Variants in SLC39A8 observed in about 807,000 individuals in gnomAD.
SLC39A8 encodes metal cation symporter ZIP8.
A neutral mutation model predicts 40.4 loss-of-function variants in SLC39A8; 15 were observed. The observed-to-expected ratio is 0.37, with a 90% confidence interval of 0.25 to 0.57. SLC39A8 has a LOEUF of 0.57. SLC39A8 is among the 20% of genes least tolerant of loss of function. SLC39A8 has a pLI of 0.75. For missense variants in SLC39A8, 472 were observed against 558.8 expected (o/e 0.84, Z 1.57); for synonymous variants, 223 against 221.6 (o/e 1.01, Z -0.06).
intron 2 of SLC39A8, among the ~76,000 whole-genome samples, chr4:102,322,195 G>T (rs925956806): frequency 3.3e-5 from 5 of 152,144 alleles, no homozygotes; most frequent in Non-Finnish European, 7.3e-5. Context: ...CCTGCTGTGA[G>T]TCTGGGGACA....
At chr4:102,328,856 T>C (rs1735329385) in intron 2 of SLC39A8, among the ~76,000 whole-genome samples, 1 of 151,898 alleles carries the variant, frequency 6.6e-6, no homozygotes. Context: ...AAACCCCGTC[T>C]CTACTAAAAA....
chr4:102,301,030 C>G (rs1226439240), intron 6 of SLC39A8, among the ~76,000 whole-genome samples: 1 of 151,934 alleles, frequency 6.6e-6, no homozygotes, highest in African/African-American at 2.4e-5. Flanking sequence ...AAGAAATTAA[C>G]GTCAAAACTA....
At chr4:102,289,554 A>C (rs959263522) in intron 6 of SLC39A8, among the ~76,000 whole-genome samples, 2 of 152,150 alleles carry the variant, frequency 1.3e-5, no homozygotes, top group Non-Finnish European at 2.9e-5. Context: ...ACCTTCTAGA[A>C]AGGATTCATC....
At chr4:102,271,816 TGA>T (rs1578561278) in intron 6 of SLC39A8, among the ~76,000 whole-genome samples, 1 of 152,180 alleles carries the variant, frequency 6.6e-6, no homozygotes, top group African/African-American at 2.4e-5. Context: ...GCAAAGGAAG[TGA>T]GACAGTGGGC....
chr4:102,267,343 G>T, intron 8 of SLC39A8, 147 bp downstream of exon 8: 1 of 618,716 alleles, frequency 1.6e-6, no homozygotes, highest in South Asian at 2.9e-5. Flanking sequence ...CAAGTAGAAT[G>T]ATCTGTTGAA....
At chr4:102,299,972 G>T (rs1733846746) in intron 6 of SLC39A8, among the ~76,000 whole-genome samples, 1 of 152,056 alleles carries the variant, frequency 6.6e-6, no homozygotes, top group Non-Finnish European at 1.5e-5. Flanking sequence ...GGCTACACAG[G>T]AACGTCGAAG....
chr4:102,305,291 G>C (rs1445546974), intron 4 of SLC39A8, among the ~76,000 whole-genome samples, 180 bp from the exon 5 acceptor site: 2 of 151,874 alleles, frequency 1.3e-5, no homozygotes, highest in Non-Finnish European at 2.9e-5. Flanking sequence ...TGACAAAACT[G>C]TATGAGATGG....
At chr4:102,339,458 A>C (rs1005440583) in intron 2 of SLC39A8, among the ~76,000 whole-genome samples, 1 of 152,114 alleles carries the variant, frequency 6.6e-6, no homozygotes, top group Non-Finnish European at 1.5e-5. Flanking sequence ...AATGCAAAAA[A>C]CATGTTTGCA....
chr4:102,293,875 A>G (rs1416068742), intron 6 of SLC39A8, among the ~76,000 whole-genome samples: 2 of 151,832 alleles, frequency 1.3e-5, no homozygotes, highest in Non-Finnish European at 2.9e-5. Context: ...AAACTATAAT[A>G]ATTATGGCAG....
chr4:102,301,497 G>A (rs994232965), intron 6 of SLC39A8, among the ~76,000 whole-genome samples: 1 of 150,472 alleles, frequency 6.6e-6, no homozygotes, highest in Admixed American at 6.6e-5. Context: ...ATATTTTCTT[G>A]TTTTGCTCAT....
chr4:102,254,010 C>T (rs1200824072), intron 11 of SLC39A8, among the ~76,000 whole-genome samples: 1 of 152,106 alleles, frequency 6.6e-6, no homozygotes, highest in Non-Finnish European at 1.5e-5. Context: ...AAAAGAGTTC[C>T]AGCTCAAGTT....
At chr4:102,277,641 A>T (rs767163187) in intron 6 of SLC39A8, among the ~76,000 whole-genome samples, 4 of 152,214 alleles carry the variant, frequency 2.6e-5, no homozygotes, top group Non-Finnish European at 5.9e-5. Context: ...ACTACTTTAA[A>T]TTTCTTATAG....
intron 2 of SLC39A8, among the ~76,000 whole-genome samples, chr4:102,320,223 GTATGAGTATATATATATGAGAATATATA>G (rs1560560951): frequency 2.2e-4 from 27 of 124,262 alleles, no homozygotes; most frequent in Middle Eastern, 4.9e-3. Flanking sequence ...ATGTATATAT[GTATGAGTATATATATATGAGAATATATA>G]TATGAGTATA....
intron 3 of SLC39A8, among the ~76,000 whole-genome samples, chr4:102,309,137 A>G (rs1734315398): frequency 6.6e-6 from 1 of 152,096 alleles, no homozygotes; most frequent in African/African-American, 2.4e-5. Flanking sequence ...GTTAGTCTAG[A>G]ATTTCTATGT....
intron 2 of SLC39A8, among the ~76,000 whole-genome samples, chr4:102,340,686 T>C (rs1735901018): frequency 6.6e-6 from 1 of 152,218 alleles, no homozygotes; most frequent in African/African-American, 2.4e-5. Flanking sequence ...ACCATTCAAA[T>C]TAGAGTGCAG....
chr4:102,315,400 T>C (rs1734610056), intron 3 of SLC39A8, among the ~76,000 whole-genome samples: 1 of 152,152 alleles, frequency 6.6e-6, no homozygotes, highest in South Asian at 2.1e-4. Context: ...ATAAAATATA[T>C]ATTGTTTAAA....
intron 6 of SLC39A8, among the ~76,000 whole-genome samples, chr4:102,291,340 A>C (rs1733432701): frequency 6.7e-6 from 1 of 149,732 alleles, no homozygotes; most frequent in East Asian, 2.0e-4. Flanking sequence ...CACACACACC[A>C]CACAGCAACA....
At chr4:102,286,276 A>G (rs1251509226) in intron 6 of SLC39A8, among the ~76,000 whole-genome samples, 1 of 152,148 alleles carries the variant, frequency 6.6e-6, no homozygotes, top group African/African-American at 2.4e-5. Flanking sequence ...TTCATTTTTC[A>G]AGAGAAAAAT....
chr4:102,267,676 TAGA>T lies in SLC39A8; in HGVS notation c.1049-5_1049-3del, dbSNP rs71813938. On this transcript the variant is annotated splice_region_variant and splice_polypyrimidine_tract_variant and intron_variant, in intron 7 of 8. Coordinates refer to ENST00000356736, the MANE Select transcript of SLC39A8 (RefSeq NM_001135146.2). The stretch of plus-strand genomic sequence containing the variant: ...CATTGAGTAGGATCACAAAGTCTCC[TAGA>T]AGAAGAAGAAGAAAATATCAAGTGA... 18,113 of 1,568,126 alleles carry T rather than the reference TAGA, an allele frequency of 0.012. 1,592 individuals carry two copies. The African/African-American group carries it at 0.2, about 18-fold the overall frequency.
Sources: allele counts gnomAD v4.1 joint callset (sites outside exome capture counted in the v4.1 genomes callset), GRCh38; gene constraint gnomAD v4.1.1; transcripts MANE v1.5; gene names NCBI Gene and HGNC (gene_info 2026-07-23, HGNC 2026-07-21).